The following WRN variants were observed in gnomAD, a reference collection of about 807,000 sequenced individuals.
The protein encoded by WRN is bifunctional 3'-5' exonuclease/ATP-dependent helicase WRN.
WRN carries 149 observed loss-of-function variants against 180.7 expected under a neutral mutation model. The observed-to-expected ratio is 0.82, with a 90% CI of 0.72 to 0.94. The LOEUF (loss-of-function observed/expected upper bound fraction) is 0.94, where lower values mean the gene tolerates loss of function less well. Among genes scored for constraint, WRN ranks in the 40% least tolerant of loss-of-function variants. WRN has a pLI of 0.00. For missense variants in WRN, 1,661 were observed against 1,700.1 expected, an observed-to-expected ratio of 0.98 and a Z score of 0.40; for synonymous variants, 548 against 568.9, an observed-to-expected ratio of 0.96 and a Z score of 0.52.
At chr8:31,132,313 A>G in intron 23 of WRN, 52 bp from the exon 24 acceptor site, 2 of 1,585,374 alleles carry the variant, frequency 1.3e-6, no homozygotes, top group Non-Finnish European at 1.7e-6. Context: ...TTTGATTTCT[A>G]AAGATACATG....
chr8:31,127,798 C>T (rs1426409668), intron 23 of WRN, among the ~76,000 whole-genome samples: 1 of 151,972 alleles, frequency 6.6e-6, no homozygotes, highest in Non-Finnish European at 1.5e-5. Flanking sequence ...GCATTATGTG[C>T]CTCTAGTCCC....
At chr8:31,078,424 G>A (rs898568262) in intron 8 of WRN, among the ~76,000 whole-genome samples, 10 of 152,174 alleles carry the variant, frequency 6.6e-5, no homozygotes, top group African/African-American at 2.4e-4. Flanking sequence ...TCTGTGGAGT[G>A]CAGGAGGCCA....
At chr8:31,139,147 AT>A (rs1473020337) in intron 24 of WRN, among the ~76,000 whole-genome samples, 1 of 152,192 alleles carries the variant, frequency 6.6e-6, no homozygotes, top group East Asian at 1.9e-4. Flanking sequence ...TAAACCTGTA[AT>A]CATAATGTTT....
At chr8:31,108,566 T>C (rs1409039481) in intron 18 of WRN, among the ~76,000 whole-genome samples, 1 of 151,740 alleles carries the variant, frequency 6.6e-6, no homozygotes, top group East Asian at 1.9e-4. Flanking sequence ...AGCAGCTTAA[T>C]CAAAGGAAAA....
At chr8:31,062,388 A>G (rs1812521219) in intron 3 of WRN, among the ~76,000 whole-genome samples, 1 of 150,488 alleles carries the variant, frequency 6.6e-6, no homozygotes, top group African/African-American at 2.4e-5. Flanking sequence ...CTCCCACTTT[A>G]TCAAATCTTA....
chr8:31,092,130 T>G (rs1554523271), intron 16 of WRN, among the ~76,000 whole-genome samples: 1 of 152,148 alleles, frequency 6.6e-6, no homozygotes, highest in Non-Finnish European at 1.5e-5. Context: ...TTTGTACCTT[T>G]GCAGGACTGT....
At position 31,173,199 on chromosome 8, in the gene WRN, A is replaced by C; in HGVS notation, c.*97A>C. 8.7e-7 allele frequency: 1 copy of C among 1,152,966 alleles called. No individual in the cohort carries two copies. The highest frequency in any genetic ancestry group is 1.3e-6 in the Non-Finnish European group (1 of 784,338). 71.4% of individuals were successfully genotyped at this position (1,152,966 alleles called of 1,614,324 possible). A position where few individuals can be genotyped will look rare whatever the true frequency, so the allele number is the denominator to read the frequency against. On this transcript the variant is annotated 3_prime_UTR_variant, in exon 35 of 35. Coordinates refer to ENST00000298139, the MANE Select transcript of WRN (RefSeq NM_000553.6). ...GTAAGGAGTAGTATTTTGGCTTAAA[A>C]ATCATTCTAATTACAAAGTTCACTG...
intron 6 of WRN, among the ~76,000 whole-genome samples, chr8:31,067,842 T>G (rs1585412672): frequency 6.6e-6 from 1 of 152,178 alleles, no homozygotes; most frequent in Admixed American, 6.5e-5. Context: ...GAATGGAAAC[T>G]CCTTTGAATT....
In WRN at chr8:31,073,167, G is replaced by A. The variant is rs759805081; in HGVS notation, c.725-3006G>A. ...TTTTAGAAATATTTTTCTGGTTGTC[G>A]TAAGAGGAAAAATATTTAGCCCCAG... On this transcript the variant is annotated intron_variant, in intron 7 of 34. Coordinates refer to ENST00000298139, the MANE Select transcript of WRN (RefSeq NM_000553.6). Among the ~76,000 whole-genome samples, 27 of 152,332 alleles carry A rather than the reference G, an allele frequency of 1.8e-4. No homozygotes were observed. The South Asian group carries it at 2.3e-3, about 13-fold the overall frequency.
chr8:31,143,653 A>G (rs1802750457), intron 28 of WRN, 30 bp downstream of exon 28: 1 of 1,494,598 alleles, frequency 6.7e-7, no homozygotes, highest in East Asian at 2.3e-5. Flanking sequence ...TATGTTCTAT[A>G]CTTGCTTTAT....
chr8:31,137,469 A>C (rs773934214), intron 24 of WRN, among the ~76,000 whole-genome samples: 16 of 152,154 alleles, frequency 1.1e-4, no homozygotes, highest in Admixed American at 6.5e-5. Context: ...GTAGAGTACC[A>C]TTAACAAGTG....
At chr8:31,080,707 ATT>A (rs1813267515) in intron 8 of WRN, among the ~76,000 whole-genome samples, 158 bp from the exon 9 acceptor site, 1 of 152,140 alleles carries the variant, frequency 6.6e-6, no homozygotes, top group Non-Finnish European at 1.5e-5. Context: ...GCAAGCTGTA[ATT>A]ATATATGGGC....
intron 32 of WRN, 58 bp downstream of exon 32, chr8:31,154,813 A>T (rs1803315183): frequency 6.2e-7 from 1 of 1,604,472 alleles, no homozygotes; most frequent in Non-Finnish European, 8.5e-7. Flanking sequence ...CTTGTGTTTT[A>T]TCAGCTTTTT....
chr8:31,058,559 A>G lies in WRN; in HGVS notation c.96+16A>G, dbSNP rs1464516518. 6.2e-7 allele frequency: 1 copy of G among 1,611,572 alleles called. No individual in the cohort carries two copies. Among genetic ancestry groups the G allele is most frequent in the East Asian group, 2.2e-5 (1 of 44,754 alleles). The stretch of plus-strand genomic sequence containing the variant: ...AGAAAGAAAGGTATGTTGTTCATTG[A>G]CTATTCTTTTGGGTGAGAAATTTAA... On this transcript the variant is annotated intron_variant, in intron 2 of 34. Transcript: ENST00000298139.
chr8:31,040,687 G>A (rs1316694657), intron 1 of WRN, among the ~76,000 whole-genome samples: 4 of 152,124 alleles, frequency 2.6e-5, no homozygotes, highest in Admixed American at 6.6e-5. Context: ...AGCCCTTTTC[G>A]TGGAGTGGAG....
intron 33 of WRN, among the ~76,000 whole-genome samples, chr8:31,163,135 C>G (rs1803703048): frequency 6.6e-6 from 1 of 152,214 alleles, no homozygotes; most frequent in Non-Finnish European, 1.5e-5. Flanking sequence ...CTCATTCACA[C>G]TAAAGAATTC....
In WRN at chr8:31,068,235, T is replaced by A. The variant is rs3087431; in HGVS notation, c.655-23T>A. 0.054 allele frequency: 83,651 copies of A among 1,556,554 alleles called. 2,477 individuals are homozygous for A. The highest frequency in any genetic ancestry group is 0.075 in the South Asian group (6,609 of 87,902). On this transcript the variant is annotated intron_variant, in intron 6 of 34. Coordinates refer to ENST00000298139, the MANE Select transcript of WRN (RefSeq NM_000553.6). ...TTTCGGTGATCTTTAGCATACTTTT[T>A]AAATTTTTCTGTTTTTTTATAGGCT...
chr8:31,130,026 A>AC lies in WRN; in HGVS notation c.2826-2339_2826-2338insC, dbSNP rs1491405126. On this transcript the variant is annotated intron_variant, in intron 23 of 34. Coordinates refer to ENST00000298139, the MANE Select transcript of WRN (RefSeq NM_000553.6). ...TCTCAAAAAAAAAACAAAACAAAACAAAAAAAAAAACTAGTAAGAGGGCCC... is the reference window on the plus strand; with the variant it reads ...TCTCAAAAAAAAAACAAAACAAAACACAAAAAAAAAACTAGTAAGAGGGCCC... 7.2e-3 allele frequency among the ~76,000 whole-genome samples: 967 copies of AC among 135,132 alleles called. 26 individuals are homozygous for AC. The highest frequency in any genetic ancestry group is 0.03 in the African/African-American group (917 of 30,574). 88.7% of individuals were successfully genotyped at this position (135,132 alleles called of 152,430 possible).
intron 8 of WRN, among the ~76,000 whole-genome samples, chr8:31,076,765 C>T (rs954584485): frequency 7.2e-5 from 11 of 152,068 alleles, no homozygotes; most frequent in Non-Finnish European, 1.6e-4. Flanking sequence ...CTTAAGAATT[C>T]TACTTAATTA....
Sources: allele counts gnomAD v4.1 joint callset (sites outside exome capture counted in the v4.1 genomes callset), GRCh38; gene constraint gnomAD v4.1.1; transcripts MANE v1.5; gene names NCBI Gene and HGNC (gene_info 2026-07-23, HGNC 2026-07-21).